RNF128: variants seen among roughly 807,000 people sequenced by gnomAD.
The protein encoded by RNF128 is E3 ubiquitin-protein ligase RNF128.
In RNF128, 13 loss-of-function variants were observed where a neutral mutation model predicts 26.2. The observed-to-expected ratio is 0.50, with a 90% CI of 0.32 to 0.79. The LOEUF is 0.79. RNF128 is among the 30% of genes least tolerant of loss of function. The probability of loss-of-function intolerance (pLI) is 0.03; values close to 1 mark genes in which losing one functional copy is unlikely to be tolerated. For synonymous variants in RNF128, 149 were observed against 142.5 expected (o/e 1.05, Z -0.32); for missense variants, 315 against 349.7 (o/e 0.90, Z 0.79).
chrX:106,734,015 T>G (rs763865973), intron 1 of RNF128, among the ~76,000 whole-genome samples: 31 of 112,218 alleles, frequency 2.8e-4, no homozygotes, highest in Admixed American at 6.6e-4. Context: ...ATTTTATTCT[T>G]TTGCTCTGTA....
chrX:106,749,068 T>A lies in RNF128; in HGVS notation c.484+21671T>A, dbSNP rs1255493029. Among the ~76,000 whole-genome samples the A allele has an allele frequency of 7.7e-4, 86 of 111,891 alleles. No individual in the cohort carries two copies. The Admixed American group carries it at 8.1e-3, about 11-fold the overall frequency. On this transcript the variant is annotated intron_variant, in intron 1 of 6. Transcript: ENST00000255499. ...TCTCAGGCAAAAGATGATATTTTAA[T>A]CTATCTTTGAAAAAAATGCCATCCT...
At chrX:106,728,579 C>G (rs1292983312) in intron 1 of RNF128, among the ~76,000 whole-genome samples, 1 of 112,123 alleles carries the variant, frequency 8.9e-6, no homozygotes. Flanking sequence ...GCTTATTTGA[C>G]TACTGGAGGT....
chrX:106,771,208 C>T (rs1310405805), intron 1 of RNF128, among the ~76,000 whole-genome samples: 1 of 112,651 alleles, frequency 8.9e-6, no homozygotes, highest in Non-Finnish European at 1.9e-5. Context: ...GGGTCAGGGA[C>T]CCACTTGAGG....
chrX:106,754,410 CTTTTTTTTTTTTTTT>C lies in RNF128; in HGVS notation c.485-18486_485-18472del, dbSNP rs150895665. Among the ~76,000 whole-genome samples the C allele has an allele frequency of 3.4e-4, 12 of 35,763 alleles. No individual in the cohort carries two copies. In the East Asian group the frequency reaches 4.8e-3, roughly 14 times the overall value. The allele number at this position is 35,763 out of a possible 115,157, so 31.1% of individuals were successfully genotyped here. A position where few individuals can be genotyped will look rare whatever the true frequency, so the allele number is the denominator to read the frequency against. The stretch of plus-strand genomic sequence containing the variant: ...CCACACCTGGCAATGTTTTCTTTCT[CTTTTTTTTTTTTTTT>C]TTTTTTTTTTTTTTTTGTAGCGACA... On this transcript the variant is annotated intron_variant, in intron 1 of 6. Transcript: ENST00000255499.
chrX:106,737,046 A>G (rs1435318750), intron 1 of RNF128, among the ~76,000 whole-genome samples: 1 of 111,323 alleles, frequency 9.0e-6, no homozygotes, highest in African/African-American at 3.3e-5. Flanking sequence ...CATGTTGACC[A>G]AAGTTCTGTC....
At chrX:106,765,831 A>G (rs1412840357) in intron 1 of RNF128, among the ~76,000 whole-genome samples, 1 of 110,197 alleles carries the variant, frequency 9.1e-6, no homozygotes, top group Non-Finnish European at 1.9e-5. Flanking sequence ...CTAACTCGTC[A>G]TTTATATTAG....
At chrX:106,729,508 G>A (rs950890097) in intron 1 of RNF128, among the ~76,000 whole-genome samples, 1 of 111,399 alleles carries the variant, frequency 9.0e-6, no homozygotes, top group African/African-American at 3.3e-5. Context: ...GTATGATTGT[G>A]CAACTGTCGA....
chrX:106,782,688 T>TA (rs1165818347), intron 2 of RNF128, among the ~76,000 whole-genome samples: 1 of 111,836 alleles, frequency 8.9e-6, no homozygotes, highest in Non-Finnish European at 1.9e-5. Flanking sequence ...GTAATGGATA[T>TA]AAAAAATATA....
At chrX:106,788,388 A>G (rs866187715) in intron 4 of RNF128, among the ~76,000 whole-genome samples, 2 of 45,151 alleles carry the variant, frequency 4.4e-5, no homozygotes, top group East Asian at 7.3e-4. Flanking sequence ...TATTATATAT[A>G]ATATATATTA....
At chrX:106,718,297 G>A (rs1222992993) in intron 1 of RNF128, among the ~76,000 whole-genome samples, 1 of 111,267 alleles carries the variant, frequency 9.0e-6, no homozygotes, top group Non-Finnish European at 1.9e-5. Context: ...GAGCTTCAGG[G>A]TTTCAATTTC....
At position 106,727,035 on chromosome X, in the gene RNF128, C is replaced by A. The variant is rs767501215; in HGVS notation, c.122C>A (p.Ala41Glu). 4 of 1,204,042 alleles carry A rather than the reference C, an allele frequency of 3.3e-6. No individual in the cohort carries two copies. The African/African-American group carries it at 6.9e-5, about 21-fold the overall frequency. Residue 41 changes from alanine to glutamate, a missense_variant, in exon 1 of 7, where the codon GCA (alanine) becomes GAA (glutamate). Coordinates refer to ENST00000255499, the MANE Select transcript of RNF128 (RefSeq NM_194463.2). ...PQAPGSRGAE[A>E]VWTAYLNVSW... ...GCACCCGGTTCCCGGGGGGCTGAAG[C>A]AGTGTGGACCGCGTACCTCAACGTG...
chrX:106,714,206 C>T (rs1929177043), intron 1 of RNF128, among the ~76,000 whole-genome samples: 1 of 108,051 alleles, frequency 9.3e-6, no homozygotes, highest in Non-Finnish European at 1.9e-5. Context: ...ACTACCATAG[C>T]AGGAGTACTA....
Position 106,785,049 on chromosome X carries a change from GT to G in RNF128, c.733-5del, listed in dbSNP as rs370041439. Reference sequence around the variant, plus strand: ...AAAAATAGTTTTTCTAATACCTGCTGTTTTTTTTTTTACAGAGGCAATTAAA... The same window carrying G: ...AAAAATAGTTTTTCTAATACCTGCTGTTTTTTTTTTACAGAGGCAATTAAA... On this transcript the variant is annotated splice_polypyrimidine_tract_variant and intron_variant, in intron 2 of 6. Transcript: ENST00000255499. The G allele has an allele frequency of 3.7e-3, 3,427 of 927,785 alleles. No homozygotes were observed. The highest frequency in any genetic ancestry group is 4.8e-3 in the Admixed American group (138 of 28,813). The allele number at this position is 927,785 out of a possible 1,213,427, so 76.5% of individuals were successfully genotyped here.
chrX:106,775,556 T>C (rs1246036172), intron 2 of RNF128, among the ~76,000 whole-genome samples: 2 of 111,570 alleles, frequency 1.8e-5, no homozygotes, highest in Non-Finnish European at 3.8e-5. Context: ...TTGAAGGGGC[T>C]TTTAAAAATT....
intron 1 of RNF128, among the ~76,000 whole-genome samples, chrX:106,698,755 A>G: frequency 9.0e-6 from 1 of 111,237 alleles, no homozygotes; most frequent in Non-Finnish European, 1.9e-5. Flanking sequence ...GAGAAAATAA[A>G]TCTCATTCTG....
intron 1 of RNF128, among the ~76,000 whole-genome samples, chrX:106,754,542 G>A (rs1426714761): frequency 2.9e-5 from 3 of 103,025 alleles, no homozygotes; most frequent in African/African-American, 1.1e-4. Context: ...TTACAGGTGT[G>A]AGCCAGCATG....
chrX:106,707,507 G>A (rs752019942), intron 1 of RNF128, among the ~76,000 whole-genome samples: 4 of 110,942 alleles, frequency 3.6e-5, no homozygotes, highest in Non-Finnish European at 7.6e-5. Context: ...GAATTTCAAT[G>A]TTTTTACCAC....
chrX:106,708,652 T>C (rs1929080016), intron 1 of RNF128, among the ~76,000 whole-genome samples: 1 of 112,225 alleles, frequency 8.9e-6, no homozygotes, highest in African/African-American at 3.2e-5. Context: ...AATCTTTGCC[T>C]ATTCAATAAA....
chrX:106,763,741 C>T (rs1224232884), intron 1 of RNF128, among the ~76,000 whole-genome samples: 2 of 111,208 alleles, frequency 1.8e-5, no homozygotes, highest in African/African-American at 6.5e-5. Flanking sequence ...CTCCTGATCT[C>T]ATGATCCGCC....
Sources: allele counts gnomAD v4.1 joint callset (sites outside exome capture counted in the v4.1 genomes callset), GRCh38; gene constraint gnomAD v4.1.1; transcripts MANE v1.5; gene names NCBI Gene and HGNC (gene_info 2026-07-23, HGNC 2026-07-21).